The following HOOK1 variants were observed in gnomAD, a reference collection of about 807,000 sequenced individuals.
The protein encoded by HOOK1 is protein Hook homolog 1.
In HOOK1, 60 loss-of-function variants were observed where a neutral mutation model predicts 112.8. The observed-to-expected ratio is 0.53, with a 90% CI of 0.43 to 0.66. The LOEUF is 0.66. Ranked by LOEUF, HOOK1 falls within the 30% of genes least tolerant of loss-of-function variation. The pLI is 0.00. For missense variants in HOOK1, 770 were observed against 856.0 expected, an observed-to-expected ratio of 0.90 and a Z score of 1.25; for synonymous variants, 294 against 283.8, an observed-to-expected ratio of 1.04 and a Z score of -0.36.
chr1:59,871,698 G>C (rs1368222527), intron 21 of HOOK1, among the ~76,000 whole-genome samples: 1 of 152,102 alleles, frequency 6.6e-6, no homozygotes, highest in Non-Finnish European at 1.5e-5. Flanking sequence ...GATGTATATG[G>C]TTCTTTTGCA....
chr1:59,836,858 A>G lies in HOOK1; in HGVS notation c.475-15A>G, dbSNP rs1413928131. 1.4e-6 allele frequency: 2 copies of G among 1,424,976 alleles called. No homozygotes were observed. Among genetic ancestry groups the G allele is most frequent in the South Asian group, 2.5e-5 (2 of 81,126 alleles). The allele number at this position is 1,424,976 out of a possible 1,614,324, so 88.3% of individuals were successfully genotyped here. On this transcript the variant is annotated splice_polypyrimidine_tract_variant and intron_variant, in intron 6 of 21. Coordinates refer to ENST00000371208, the MANE Select transcript of HOOK1 (RefSeq NM_015888.6). ...TCACATTGTTATACTTAATTTTATTATTTTAATTTCCTAGTTGATGAGTAA... is the reference window on the plus strand; with the variant it reads ...TCACATTGTTATACTTAATTTTATTGTTTTAATTTCCTAGTTGATGAGTAA...
chr1:59,855,966 T>TC (rs1553464155), intron 12 of HOOK1, among the ~76,000 whole-genome samples: 3 of 71,266 alleles, frequency 4.2e-5, no homozygotes, highest in African/African-American at 1.3e-4. Context: ...ATATAAATTA[T>TC]TATATATATA....
chr1:59,820,630 C>G (rs186649052), intron 1 of HOOK1, among the ~76,000 whole-genome samples: 10 of 152,238 alleles, frequency 6.6e-5, no homozygotes, highest in Admixed American at 6.5e-4. Flanking sequence ...AAATCATCTC[C>G]GAGAAGCCTT....
rs754879584 is a variant in HOOK1, at chr1:59,847,013, G to A, written c.789-32G>A. ...TATATAATTATAACAAATCATGGAAGTTATAAATACTTACTTTTTTATTTG... is the reference window on the plus strand; with the variant it reads ...TATATAATTATAACAAATCATGGAAATTATAAATACTTACTTTTTTATTTG... On this transcript the variant is annotated intron_variant, in intron 9 of 21. Transcript: ENST00000371208. The A allele has an allele frequency of 1.9e-6, 3 of 1,540,726 alleles. No homozygotes were observed. In the South Asian group the frequency reaches 3.7e-5, roughly 19 times the overall value.
At chr1:59,827,154 A>G (rs543338009) in intron 2 of HOOK1, among the ~76,000 whole-genome samples, 1 of 152,318 alleles carries the variant, frequency 6.6e-6, no homozygotes, top group Admixed American at 6.5e-5. Flanking sequence ...TAGAGACTCA[A>G]AGGGCAGCTA....
intron 10 of HOOK1, among the ~76,000 whole-genome samples, chr1:59,847,822 C>G (rs556820212): frequency 2.6e-5 from 4 of 151,248 alleles, no homozygotes; most frequent in Non-Finnish European, 5.9e-5. Context: ...TTTGTTTGTT[C>G]GTTTATTTAT....
intron 3 of HOOK1, among the ~76,000 whole-genome samples, chr1:59,830,398 T>C (rs2098393031): frequency 6.6e-6 from 1 of 152,164 alleles, no homozygotes; most frequent in African/African-American, 2.4e-5. Context: ...TTACACACTA[T>C]ATTTCTTGTG....
In HOOK1 at chr1:59,847,074, T is replaced by G. The variant is rs770445079; in HGVS notation, c.818T>G (p.Val273Gly). The change falls in exon 10 of 22, where the codon GTT becomes GGT. Residue 273 changes from valine to glycine, a missense_variant. Val to Gly is a moderately radical substitution (Grantham distance 109). Coordinates refer to ENST00000371208, the MANE Select transcript of HOOK1 (RefSeq NM_015888.6). ...GAAGCTGCAAAAGATGATTACCGTG[T>G]TCACTGTGAAGAACTTGAAAAGCAG... ...RLEAAKDDYR[V>G]HCEELEKQLI... is the part of the protein sequence containing the mutation. The G allele has an allele frequency of 3.1e-6, 5 of 1,608,616 alleles. No homozygotes were observed. The highest frequency in any genetic ancestry group is 4.2e-6 in the Non-Finnish European group (5 of 1,177,176).
In HOOK1 at chr1:59,843,597, A is replaced by C; in HGVS notation, c.787A>C (p.Arg263=). The change falls in exon 9 of 22, where the codon AGG becomes CGG. Residue 263 remains arginine (R), a splice_region_variant and synonymous_variant. Transcript: ENST00000371208. ...QLEQLQEENF[R]LEAAKDDYRV... ...AGAACAATTACAGGAAGAAAACTTCAGGTAGCATTTTTAATGGAAATCATT... is the reference window on the plus strand; with the variant it reads ...AGAACAATTACAGGAAGAAAACTTCCGGTAGCATTTTTAATGGAAATCATT... 1 of 1,594,434 alleles carries C rather than the reference A, an allele frequency of 6.3e-7. No individual in the cohort carries two copies. The highest frequency in any genetic ancestry group is 8.5e-7 in the Non-Finnish European group (1 of 1,171,842).
At chr1:59,833,564 T>G in intron 5 of HOOK1, 27 bp downstream of exon 5, 1 of 1,501,290 alleles carries the variant, frequency 6.7e-7, no homozygotes, top group South Asian at 1.3e-5. Flanking sequence ...CATTTGAGGA[T>G]TTCTACTTTC....
chr1:59,865,698 A>G (rs1351485041), intron 18 of HOOK1, among the ~76,000 whole-genome samples, 174 bp from the exon 19 acceptor site: 3 of 152,138 alleles, frequency 2.0e-5, no homozygotes, highest in African/African-American at 7.2e-5. Flanking sequence ...TGTTGGTTGT[A>G]TTTCAAAACT....
chr1:59,860,930 C>T (rs113183213), intron 15 of HOOK1, among the ~76,000 whole-genome samples: 5,087 of 152,098 alleles, frequency 0.033, 137 homozygotes, highest in Admixed American at 0.088. Context: ...CACGCCACTA[C>T]GCCTGGCTAA....
chr1:59,818,330 C>G (rs2098383062), intron 1 of HOOK1, among the ~76,000 whole-genome samples: 1 of 152,132 alleles, frequency 6.6e-6, no homozygotes, highest in Non-Finnish European at 1.5e-5. Context: ...GAGCCAACAT[C>G]AACAGAATTA....
chr1:59,859,720 AG>A lies in HOOK1; in HGVS notation c.1392-467del, dbSNP rs1469491611. The stretch of plus-strand genomic sequence containing the variant: ...TAATAAAATTTTTTTCAGAAACAAA[AG>A]ATCTAGAAACTTTCTTATTGCCATT... On this transcript the variant is annotated intron_variant, in intron 14 of 21. Coordinates refer to ENST00000371208, the MANE Select transcript of HOOK1 (RefSeq NM_015888.6). 5.3e-5 allele frequency among the ~76,000 whole-genome samples: 8 copies of A among 152,140 alleles called. No individual in the cohort carries two copies. The East Asian group carries it at 1.5e-3, about 29-fold the overall frequency.
rs1231811244 is a variant in HOOK1 at position 59,840,439 on chromosome 1, C to T, written c.621+48C>T. On this transcript the variant is annotated intron_variant, in intron 8 of 21. Transcript: ENST00000371208. ...GAGAAAAACTTCCTCTTTAAGTTTA[C>T]AGAAGATTTTTATTGTAATTAATTA... The T allele has an allele frequency of 4.0e-6, 5 of 1,238,714 alleles. No individual in the cohort carries two copies. In the South Asian group the frequency reaches 7.1e-5, roughly 17 times the overall value. 76.7% of individuals were successfully genotyped at this position (1,238,714 alleles called of 1,614,324 possible). A position where few individuals can be genotyped will look rare whatever the true frequency, so the allele number is the denominator to read the frequency against.
chr1:59,862,204 G>T (rs759500114), intron 15 of HOOK1, among the ~76,000 whole-genome samples: 3 of 152,174 alleles, frequency 2.0e-5, no homozygotes, highest in Non-Finnish European at 2.9e-5. Context: ...AGGTGAGTGT[G>T]TATGTGTGGA....
chr1:59,870,251 G>A (rs921625236), intron 20 of HOOK1, among the ~76,000 whole-genome samples: 1 of 152,152 alleles, frequency 6.6e-6, no homozygotes, highest in Non-Finnish European at 1.5e-5. Flanking sequence ...AGACTCTGAG[G>A]AAAAGCTTAG....
rs1416711386 is a variant in HOOK1, at chr1:59,814,949, G to A, written c.-169G>A. ...CGAGGCGGGGGCGGGTGAGGAGGGG[G>A]TGACGCCGGACGCGTCGACAGCGCG... On this transcript the variant is annotated 5_prime_UTR_variant, in exon 1 of 22. In the 5' UTR this introduces an upstream ATG that the reference lacks. Transcript: ENST00000371208. The A allele has an allele frequency of 1.6e-6, 1 of 635,056 alleles. No individual in the cohort carries two copies. Among genetic ancestry groups the A allele is most frequent in the Non-Finnish European group, 2.7e-6 (1 of 372,892 alleles). 39.3% of individuals were successfully genotyped at this position (635,056 alleles called of 1,614,324 possible).
At chr1:59,822,260 A>G (rs569919256) in intron 2 of HOOK1, among the ~76,000 whole-genome samples, 13 of 152,208 alleles carry the variant, frequency 8.5e-5, no homozygotes, top group East Asian at 1.9e-4. Context: ...TAATGATACA[A>G]TTGCTTATGG....
Sources: allele counts gnomAD v4.1 joint callset (sites outside exome capture counted in the v4.1 genomes callset), GRCh38; gene constraint gnomAD v4.1.1; transcripts MANE v1.5; gene names NCBI Gene and HGNC (gene_info 2026-07-23, HGNC 2026-07-21).